The following TFDP2 variants were observed in gnomAD, a reference collection of about 807,000 sequenced individuals.
TFDP2 encodes transcription factor Dp-2 (E2F dimerization partner 2).
In TFDP2, 17 loss-of-function variants were observed where a neutral mutation model predicts 59.3. That is an observed-to-expected ratio of 0.29 (90% CI 0.20 to 0.43). The LOEUF is 0.43. Among genes scored for constraint, TFDP2 ranks in the 20% least tolerant of loss-of-function variants. TFDP2 has a pLI of 1.00. For synonymous variants in TFDP2, 180 were observed against 194.7 expected (o/e 0.92, Z 0.63); for missense variants, 391 against 528.8 (o/e 0.74, Z 2.56).
intron 3 of TFDP2, among the ~76,000 whole-genome samples, chr3:142,021,161 C>T (rs1179571500): frequency 1.3e-5 from 2 of 152,040 alleles, no homozygotes; most frequent in East Asian, 3.8e-4. Context: ...ACTGAATGAC[C>T]TCAACATCAC....
intron 3 of TFDP2, among the ~76,000 whole-genome samples, chr3:142,069,924 G>A (rs886909183): frequency 6.7e-6 from 1 of 148,586 alleles, no homozygotes; most frequent in Non-Finnish European, 1.5e-5. Context: ...TCTTTTTTTT[G>A]AGATGGAGTC....
intron 9 of TFDP2, among the ~76,000 whole-genome samples, chr3:141,968,459 TATAG>T (rs1265167522): frequency 1.1e-4 from 11 of 101,306 alleles, no homozygotes; most frequent in African/African-American, 3.6e-4. Flanking sequence ...ATATCTCATA[TATAG>T]ATATATATAT....
intron 2 of TFDP2, among the ~76,000 whole-genome samples, chr3:142,098,281 A>C (rs1012317200): frequency 1.3e-5 from 2 of 150,690 alleles, no homozygotes; most frequent in Non-Finnish European, 1.5e-5. Flanking sequence ...AAAAAAAAAA[A>C]CCCTCAAAAA....
intron 4 of TFDP2, among the ~76,000 whole-genome samples, chr3:142,003,942 C>T (rs1944019295): frequency 6.6e-6 from 1 of 152,116 alleles, no homozygotes; most frequent in Non-Finnish European, 1.5e-5. Context: ...AATAATCTCT[C>T]AAAACAGAAG....
chr3:141,964,610 C>T (rs1429910133), intron 9 of TFDP2, among the ~76,000 whole-genome samples: 11 of 152,172 alleles, frequency 7.2e-5, no homozygotes, highest in African/African-American at 2.4e-4. Context: ...AGAGATCATA[C>T]CACTCCATTC....
At chr3:142,138,585 T>C (rs980491386) in intron 1 of TFDP2, among the ~76,000 whole-genome samples, 3 of 152,216 alleles carry the variant, frequency 2.0e-5, no homozygotes, top group African/African-American at 7.2e-5. Flanking sequence ...TTCTCATTGG[T>C]TTCAAAGAAC....
intron 3 of TFDP2, among the ~76,000 whole-genome samples, chr3:142,012,107 G>T (rs1239404469): frequency 6.6e-6 from 1 of 150,776 alleles, no homozygotes; most frequent in African/African-American, 2.4e-5. Context: ...CTGCCTCCCG[G>T]GTTCATGCCA....
chr3:142,018,543 G>C (rs909975994), intron 3 of TFDP2, among the ~76,000 whole-genome samples: 1 of 151,632 alleles, frequency 6.6e-6, no homozygotes, highest in African/African-American at 2.4e-5. Context: ...GCTTACTGCA[G>C]CCTCAAACTC....
At chr3:141,972,942 C>T (rs924648507) in intron 8 of TFDP2, among the ~76,000 whole-genome samples, 5 of 151,694 alleles carry the variant, frequency 3.3e-5, no homozygotes, top group Non-Finnish European at 7.4e-5. Flanking sequence ...GATATTTCCA[C>T]TGTAGCATAT....
chr3:142,074,809 G>A (rs765198323), intron 3 of TFDP2, among the ~76,000 whole-genome samples: 5 of 152,170 alleles, frequency 3.3e-5, no homozygotes, highest in Non-Finnish European at 7.3e-5. Context: ...CCGAGATTGT[G>A]CTACTGCATT....
chr3:141,957,424 AAC>A (rs1305853507), intron 11 of TFDP2, among the ~76,000 whole-genome samples: 1 of 152,226 alleles, frequency 6.6e-6, no homozygotes, highest in African/African-American at 2.4e-5. Flanking sequence ...TAAAATGTTA[AAC>A]ACAGAGTTAC....
In TFDP2 at chr3:141,998,498, T is replaced by A. The variant is rs528201031; in HGVS notation, c.187-3357A>T. On this transcript the variant is annotated intron_variant, in intron 4 of 12. Transcript: ENST00000489671. ...TGGGTGTTGTGGTGCACGCCGGTAA[T>A]CCCAGCTACTCAGGAGGCTGAGGCA... is the stretch of plus-strand genomic sequence containing the variant. 2.0e-5 allele frequency among the ~76,000 whole-genome samples: 3 copies of A among 152,088 alleles called. 1 individual carries two copies. The South Asian group carries it at 6.2e-4, about 32-fold the overall frequency.
At chr3:141,960,276 C>CGT (rs1343259163) in intron 10 of TFDP2, among the ~76,000 whole-genome samples, 2 of 152,208 alleles carry the variant, frequency 1.3e-5, no homozygotes, top group Non-Finnish European at 2.9e-5. Context: ...ATGTTAGCTA[C>CGT]AGCCTACTTC....
chr3:142,035,563 T>C (rs1038682554), intron 3 of TFDP2, among the ~76,000 whole-genome samples: 2 of 152,204 alleles, frequency 1.3e-5, no homozygotes, highest in Non-Finnish European at 2.9e-5. Context: ...ATAACTTGCA[T>C]AAATGCTAGC....
At chr3:141,973,935 T>C (rs1940219291) in intron 8 of TFDP2, 113 bp downstream of exon 8, 2 of 1,217,758 alleles carry the variant, frequency 1.6e-6, no homozygotes, top group Non-Finnish European at 2.3e-6. Flanking sequence ...AAAAATGACA[T>C]GGTATACATG....
At chr3:142,051,655 G>T (rs1947636695) in intron 3 of TFDP2, among the ~76,000 whole-genome samples, 1 of 152,146 alleles carries the variant, frequency 6.6e-6, no homozygotes, top group Admixed American at 6.5e-5. Context: ...CAATGGAACA[G>T]AACAGAATCT....
intron 3 of TFDP2, among the ~76,000 whole-genome samples, chr3:142,070,311 C>G (rs534586067): frequency 1.3e-5 from 2 of 152,058 alleles, no homozygotes; most frequent in Non-Finnish European, 1.5e-5. Context: ...CAGGGTCACC[C>G]AGGCTGGAGT....
intron 1 of TFDP2, among the ~76,000 whole-genome samples, chr3:142,129,997 T>C (rs1398120180): frequency 6.6e-6 from 1 of 152,020 alleles, no homozygotes; most frequent in Non-Finnish European, 1.5e-5. Flanking sequence ...GGTAGGAATG[T>C]AAAGTGGTAC....
chr3:142,026,285 G>A (rs761119114), intron 3 of TFDP2, among the ~76,000 whole-genome samples: 8 of 151,932 alleles, frequency 5.3e-5, no homozygotes, highest in Non-Finnish European at 7.4e-5. Context: ...AACCTGGGAC[G>A]CAGAGCTTGC....
Sources: gnomAD v4.1 joint callset for allele counts (sites outside exome capture counted in the v4.1 genomes callset) on GRCh38, gnomAD v4.1.1 for gene constraint, MANE v1.5 for transcripts, NCBI Gene and HGNC (gene_info 2026-07-23, HGNC 2026-07-21) for gene names.